RNPC3: variants seen among roughly 807,000 people sequenced by gnomAD.
RNPC3 encodes RNA binding region (RNP1, RRM) containing 3, also known as RNA-binding region-containing protein 3.
RNPC3 carries 48 observed loss-of-function variants against 67.5 expected under a neutral mutation model. The observed-to-expected ratio is 0.71, with a 90% CI of 0.56 to 0.90. The LOEUF is 0.90. RNPC3 is among the 40% of genes least tolerant of loss of function. The pLI is 0.00. For missense variants in RNPC3, 637 were observed against 626.1 expected (o/e 1.02, Z -0.19); for synonymous variants, 239 against 210.3 (o/e 1.14, Z -1.18).
intron 4 of RNPC3, 43 bp downstream of exon 4, chr1:103,534,900 T>C (rs1402374774): frequency 2.1e-5 from 24 of 1,152,254 alleles, no homozygotes; most frequent in Non-Finnish European, 2.7e-5. Context: ...TGTTCTGTGT[T>C]ATATACAGAT....
intron 4 of RNPC3, among the ~76,000 whole-genome samples, 191 bp from the exon 5 acceptor site, chr1:103,535,139 A>C (rs921806299): frequency 6.6e-6 from 1 of 152,040 alleles, no homozygotes; most frequent in East Asian, 1.9e-4. Context: ...TCAGAGCTAC[A>C]AGATAAACCT....
At position 103,536,163 on chromosome 1, in the gene RNPC3, C is replaced by T. The variant is rs1650982688; in HGVS notation, c.593C>T (p.Pro198Leu). The T allele has an allele frequency of 2.6e-6, 4 of 1,536,136 alleles. No homozygotes were observed. The highest frequency in any genetic ancestry group is 3.5e-6 in the Non-Finnish European group (4 of 1,146,096). The part of the protein sequence containing the change: ...HLMNKMNLPT[P>L]FGPITARPPM... ...ATGAATAAAATGAATTTGCCCACAC[C>T]TTTTGGACCAATTACTGCGCGACCT... Residue 198 changes from proline to leucine, a missense_variant, in exon 6 of 15, where the codon CCT becomes CTT. This residue lies in a region of RNPC3 where 536 missense variants were observed against 500.3 expected (regional missense o/e 1.07). Transcript: ENST00000423855.
chr1:103,535,510 T>G, intron 5 of RNPC3, 69 bp downstream of exon 5: 1 of 965,222 alleles, frequency 1.0e-6, no homozygotes, highest in Non-Finnish European at 1.6e-6. Flanking sequence ...TCATGCTGAT[T>G]CTCATAAAAG....
At chr1:103,540,654 TTG>T (rs1651104944) in intron 7 of RNPC3, among the ~76,000 whole-genome samples, 1 of 152,214 alleles carries the variant, frequency 6.6e-6, no homozygotes, top group African/African-American at 2.4e-5. Flanking sequence ...TTGTATTTTG[TTG>T]TGTGTGTATT....
intron 12 of RNPC3, among the ~76,000 whole-genome samples, chr1:103,550,169 T>G (rs1221408786): frequency 6.6e-6 from 1 of 151,126 alleles, no homozygotes; most frequent in South Asian, 2.1e-4. Context: ...GTCTCAAAAA[T>G]AATAATAATC....
intron 1 of RNPC3, among the ~76,000 whole-genome samples, chr1:103,527,207 C>G (rs182214878): frequency 2.2e-4 from 33 of 152,020 alleles, no homozygotes; most frequent in African/African-American, 7.7e-4. Flanking sequence ...TTTTAAAATC[C>G]GTATAATTTA....
At chr1:103,526,412 A>G (rs1650710327) in intron 1 of RNPC3, 150 bp downstream of exon 1, 2 of 643,702 alleles carry the variant, frequency 3.1e-6, no homozygotes, top group South Asian at 2.3e-5. Context: ...TTATCAAAAT[A>G]TCTGCTCTGC....
chr1:103,544,813 T>C lies in RNPC3; in HGVS notation c.1046-128T>C, dbSNP rs557293836. ...ATGTTTGTGTATGCCTCTTTTAGTA[T>C]ATTGAGAAACACCAAAGAATTTTAG... On this transcript the variant is annotated intron_variant, in intron 9 of 14. Transcript: ENST00000423855. The C allele has an allele frequency of 9.9e-3, 5,337 of 537,178 alleles. 114 individuals are homozygous for C. Among genetic ancestry groups the C allele is most frequent in the South Asian group, 0.017 (437 of 25,636 alleles). 33.3% of individuals were successfully genotyped at this position (537,178 alleles called of 1,614,324 possible).
chr1:103,545,049 C>T lies in RNPC3; in HGVS notation c.1154C>T (p.Pro385Leu). The T allele has an allele frequency of 6.5e-7, 1 of 1,533,996 alleles. No homozygotes were observed. The highest frequency in any genetic ancestry group is 1.4e-5 in the African/African-American group (1 of 73,010). ...ATTAAAGAAGACTCTGATGAAATGC[C>T]TTCAGAATGTATTTCTAGAAGGGAA... ...EEIKEDSDEM[P>L]SECISRRELE... The change falls in exon 10 of 15, where the codon CCT becomes CTT. Residue 385 changes from proline to leucine, a missense_variant. Around this residue, in one of 3 missense-constraint regions of RNPC3, gnomAD observed 536 missense variants for 500.3 expected, o/e 1.07. Coordinates refer to ENST00000423855, the MANE Select transcript of RNPC3 (RefSeq NM_017619.4).
At position 103,526,019 on chromosome 1, in the gene RNPC3, A is replaced by G. The variant is rs1160746401; in HGVS notation, c.-52A>G. 2 of 1,417,622 alleles carry G rather than the reference A, an allele frequency of 1.4e-6. No homozygotes were observed. Among genetic ancestry groups the G allele is most frequent in the Non-Finnish European group, 1.9e-6 (2 of 1,054,282 alleles). 87.8% of individuals were successfully genotyped at this position (1,417,622 alleles called of 1,614,324 possible). ...TCTCCCAGCTTGTGTTGATGCCGCG[A>G]TTTTGACTGAGACTTCTTCCCACGA... On this transcript the variant is annotated 5_prime_UTR_variant, in exon 1 of 15. Coordinates refer to ENST00000423855, the MANE Select transcript of RNPC3 (RefSeq NM_017619.4).
At chr1:103,536,052 T>C (rs941936566) in intron 5 of RNPC3, 74 bp from the exon 6 acceptor site, 7 of 1,137,014 alleles carry the variant, frequency 6.2e-6, no homozygotes, top group Non-Finnish European at 8.9e-6. Flanking sequence ...TATAGCAAAG[T>C]TTCTTAGTAC....
intron 4 of RNPC3, among the ~76,000 whole-genome samples, 179 bp downstream of exon 4, chr1:103,535,036 T>G (rs1372916136): frequency 6.6e-6 from 1 of 152,006 alleles, no homozygotes; most frequent in African/African-American, 2.4e-5. Context: ...AACAAAGATA[T>G]TTAATGTCAT....
intron 2 of RNPC3, among the ~76,000 whole-genome samples, chr1:103,531,284 A>G (rs972106811): frequency 1.3e-5 from 2 of 152,026 alleles, no homozygotes; most frequent in African/African-American, 4.8e-5. Flanking sequence ...TATTTTTGCA[A>G]TTGCAAATTG....
chr1:103,536,308 G>A (rs1488678456), intron 6 of RNPC3, 114 bp downstream of exon 6: 2 of 705,432 alleles, frequency 2.8e-6, no homozygotes, highest in South Asian at 1.7e-5. Flanking sequence ...AATAAGGAAC[G>A]GGTATAAAGT....
chr1:103,547,140 A>C, intron 12 of RNPC3, 105 bp downstream of exon 12: 1 of 686,040 alleles, frequency 1.5e-6, no homozygotes, highest in Non-Finnish European at 2.3e-6. Flanking sequence ...TAAAAATTAT[A>C]TGAAAAAGTT....
At position 103,543,091 on chromosome 1, in the gene RNPC3, T is replaced by C. The variant is rs572403564; in HGVS notation, c.894-205T>C. Among the ~76,000 whole-genome samples, 124 of 151,912 alleles carry C rather than the reference T, an allele frequency of 8.2e-4. 1 individual carries two copies. Among genetic ancestry groups the C allele is most frequent in the African/African-American group, 2.7e-3 (112 of 41,568 alleles). ...CGCTGAACCTCGGTCTTTTTATGTG[T>C]AAACTAATAATTTAGTAGTACCTAT... On this transcript the variant is annotated intron_variant, in intron 8 of 14. Coordinates refer to ENST00000423855, the MANE Select transcript of RNPC3 (RefSeq NM_017619.4).
At chr1:103,554,206 T>C (rs777553329) in intron 14 of RNPC3, 1 of 152,146 alleles carries the variant, frequency 6.6e-6, no homozygotes, top group African/African-American at 2.4e-5. Flanking sequence ...ATACAAAAAT[T>C]AGCCAAGTGT....
chr1:103,536,455 A>G (rs940038419), intron 6 of RNPC3, among the ~76,000 whole-genome samples: 4 of 152,200 alleles, frequency 2.6e-5, no homozygotes, highest in Admixed American at 1.3e-4. Context: ...GTGCCATCCT[A>G]TAAGGTAGTT....
In RNPC3 at chr1:103,543,475, C is replaced by T. The variant is rs1009211092; in HGVS notation, c.1045+28C>T. On this transcript the variant is annotated intron_variant, in intron 9 of 14. Transcript: ENST00000423855. ...AAGGATATTCTAGTTATTTCACATGCTGAAATCAACTTATTGTGTTAGAAT... is the reference window on the plus strand; with the variant it reads ...AAGGATATTCTAGTTATTTCACATGTTGAAATCAACTTATTGTGTTAGAAT... 45 of 1,367,228 alleles carry T rather than the reference C, an allele frequency of 3.3e-5. No individual in the cohort carries two copies. In the East Asian group the frequency reaches 1.3e-3, roughly 39 times the overall value. The allele number at this position is 1,367,228 out of a possible 1,614,324, so 84.7% of individuals were successfully genotyped here.
Sources: gnomAD v4.1 joint callset for allele counts (sites outside exome capture counted in the v4.1 genomes callset) on GRCh38, gnomAD v4.1.1 for gene constraint, gnomAD v4.1.1 regional missense constraint, MANE v1.5 for transcripts, NCBI Gene and HGNC (gene_info 2026-07-23, HGNC 2026-07-21) for gene names.